Variants in PLXNB1 observed in about 807,000 individuals in gnomAD.
PLXNB1 encodes plexin B1.
In PLXNB1, 106 loss-of-function variants were observed where a neutral mutation model predicts 209.4. The ratio of observed to expected loss-of-function variants is 0.51; its 90% CI spans 0.43 to 0.59. PLXNB1 has a LOEUF of 0.59. Among genes scored for constraint, PLXNB1 ranks in the 20% least tolerant of loss-of-function variants. The pLI, the probability that PLXNB1 is intolerant of heterozygous loss-of-function variation, is 0.00. For missense variants in PLXNB1, 2,357 were observed against 2,853.2 expected (o/e 0.83, Z 3.96); for synonymous variants, 1,167 against 1,183.2 (o/e 0.99, Z 0.28).
chr3:48,406,423 G>T lies in PLXNB1; in HGVS notation c.6228+400C>A, dbSNP rs2037318440. Reference sequence around the variant, plus strand: ...TCATCATCAACATTTCAGAAACATTGTTCATAAACTCCCTGGAGTTACATT... The same window carrying T: ...TCATCATCAACATTTCAGAAACATTTTTCATAAACTCCCTGGAGTTACATT... On this transcript the variant is annotated intron_variant, in intron 36 of 37. Transcript: ENST00000296440. The surrounding 1 kb of genome is among the most constrained non-coding windows in gnomAD (Gnocchi z 4.4). The T allele has an allele frequency of 5.1e-6, 1 of 196,220 alleles. No individual in the cohort carries two copies. The highest frequency in any genetic ancestry group is 9.2e-6 in the Non-Finnish European group (1 of 108,312). The allele number at this position is 196,220 out of a possible 1,614,324, so 12.2% of individuals were successfully genotyped here.
In PLXNB1 at chr3:48,413,600, G is replaced by C; in HGVS notation, c.4535+70C>G. 3 of 1,475,036 alleles carry C rather than the reference G, an allele frequency of 2.0e-6. No homozygotes were observed. The highest frequency in any genetic ancestry group is 1.8e-6 in the Non-Finnish European group (2 of 1,089,454). The allele number at this position is 1,475,036 out of a possible 1,614,324, so 91.4% of individuals were successfully genotyped here. A position where few individuals can be genotyped will look rare whatever the true frequency, so the allele number is the denominator to read the frequency against. On this transcript the variant is annotated intron_variant, in intron 23 of 37. Coordinates refer to ENST00000296440, the MANE Select transcript of PLXNB1 (RefSeq NM_001130082.3). The surrounding 1 kb of genome is among the most constrained non-coding windows in gnomAD (Gnocchi z 5.4). ...GAGAATGTTTCCTGACTCCTGGCCC[G>C]GTCTGTCCCTTCCCAGTCCAGCCAG... is the stretch of plus-strand genomic sequence containing the variant.
In PLXNB1 at chr3:48,419,774, C is replaced by A. The variant is rs146123448; in HGVS notation, c.2512G>T (p.Ala838Ser). 2,118 of 1,603,900 alleles carry A rather than the reference C, an allele frequency of 1.3e-3. 24 individuals carry two copies. The African/African-American group carries it at 0.023, about 17-fold the overall frequency. ...FPGAMGSVKP[A>S]LDWLTREGGE... ...CCTTCTCTCGTGAGCCAGTCCAGGG[C>A]GGGCTTCACGGAGCCCATGGCCCCT... The change falls in exon 11 of 38, where the codon GCC (alanine) becomes TCC (serine). Residue 838 changes from alanine to serine, a missense_variant. Ala to Ser is a moderately conservative substitution (Grantham distance 99, BLOSUM62 1). This residue lies in a region of PLXNB1 where 410 missense variants were observed against 401.0 expected (regional missense o/e 1.02). Transcript: ENST00000296440. This position sits in a 1 kb window ranked among gnomAD's most constrained non-coding sequence, Gnocchi z 5.7.
rs2037671175 is a variant in PLXNB1, at chr3:48,411,378, G to C, written c.5248-342C>G. On this transcript the variant is annotated intron_variant, in intron 28 of 37. Coordinates refer to ENST00000296440, the MANE Select transcript of PLXNB1 (RefSeq NM_001130082.3). The surrounding 1 kb of genome is among the most constrained non-coding windows in gnomAD (Gnocchi z 4.0). ...GAAGCCTGCATTCCCACCATCGGGA[G>C]CAAATATTCCCACCTATCCGACAGG... Among the ~76,000 whole-genome samples the C allele has an allele frequency of 1.3e-5, 2 of 152,238 alleles. No homozygotes were observed.
Position 48,406,138 on chromosome 3 carries a change from AG to A in PLXNB1, c.6229-341del. 3.8e-6 allele frequency: 1 copy of A among 265,494 alleles called. No homozygotes were observed. Among genetic ancestry groups the A allele is most frequent in the Non-Finnish European group, 7.4e-6 (1 of 134,464 alleles). The allele number at this position is 265,494 out of a possible 1,614,324, so 16.4% of individuals were successfully genotyped here. On this transcript the variant is annotated intron_variant, in intron 36 of 37. Coordinates refer to ENST00000296440, the MANE Select transcript of PLXNB1 (RefSeq NM_001130082.3). This position sits in a 1 kb window ranked among gnomAD's most constrained non-coding sequence, Gnocchi z 4.4. Reference sequence around the variant, plus strand: ...CCCTCTGCCACCCAGATGACTCCAGAGCCAAGTGGCACAGATGCCACTTGCA... The same window carrying A: ...CCCTCTGCCACCCAGATGACTCCAGACCAAGTGGCACAGATGCCACTTGCA...
intron 27 of PLXNB1, 40 bp downstream of exon 27, chr3:48,412,198 C>T (rs1018349306): frequency 6.2e-7 from 1 of 1,601,604 alleles, no homozygotes; most frequent in Non-Finnish European, 8.6e-7. Flanking sequence ...AGGGCCTGAC[C>T]CTCCCTGGAC....
In PLXNB1 at chr3:48,405,473, C is replaced by A. The variant is rs901878776; in HGVS notation, c.6303+251G>T. 6.6e-6 allele frequency among the ~76,000 whole-genome samples: 1 copy of A among 152,216 alleles called. No homozygotes were observed. The highest frequency in any genetic ancestry group is 2.4e-5 in the African/African-American group (1 of 41,458). ...GCCCTGGTAGACCCCTTGGCCCCCACAACCACCAGCACTGTGCCTCGCCGT... is the reference window on the plus strand; with the variant it reads ...GCCCTGGTAGACCCCTTGGCCCCCAAAACCACCAGCACTGTGCCTCGCCGT... On this transcript the variant is annotated intron_variant, in intron 37 of 37. Transcript: ENST00000296440. This position sits in a 1 kb window ranked among gnomAD's most constrained non-coding sequence, Gnocchi z 5.0.
Position 48,420,722 on chromosome 3 carries a change from C to A in PLXNB1, c.1971G>T (p.Gln657His). Residue 657 changes from glutamine to histidine, a missense_variant, in exon 10 of 38, where the codon CAG becomes CAT. By Grantham distance (24) the Gln-to-His change is conservative. Coordinates refer to ENST00000296440, the MANE Select transcript of PLXNB1 (RefSeq NM_001130082.3). ...ACGAGGCCTTGTGGGTGCACAGGTGCTGCCAGACACACCAGTTACACCCCC... is the reference window on the plus strand; with the variant it reads ...ACGAGGCCTTGTGGGTGCACAGGTGATGCCAGACACACCAGTTACACCCCC... ...SRWGCNWCVW[Q>H]HLCTHKASCD... The A allele has an allele frequency of 6.2e-7, 1 of 1,614,160 alleles. No homozygotes were observed. Among genetic ancestry groups the A allele is most frequent in the Non-Finnish European group, 8.5e-7 (1 of 1,180,008 alleles).
At position 48,418,833 on chromosome 3, in the gene PLXNB1, G is replaced by A; in HGVS notation, c.2955+84C>T. 1.3e-6 allele frequency: 2 copies of A among 1,545,198 alleles called. No individual in the cohort carries two copies. Among genetic ancestry groups the A allele is most frequent in the Non-Finnish European group, 1.8e-6 (2 of 1,125,836 alleles). On this transcript the variant is annotated intron_variant, in intron 13 of 37. Transcript: ENST00000296440. This position sits in a 1 kb window ranked among gnomAD's most constrained non-coding sequence, Gnocchi z 6.6. ...CACGGTCAGAGCGTGGCTCTGGAAAGTGTGGTGCAGCCAGCTACAGTTGGC... is the reference window on the plus strand; with the variant it reads ...CACGGTCAGAGCGTGGCTCTGGAAAATGTGGTGCAGCCAGCTACAGTTGGC...
In PLXNB1 at chr3:48,415,593, T is replaced by C; in HGVS notation, c.3784A>G (p.Ser1262Gly). 6.3e-7 allele frequency: 1 copy of C among 1,580,526 alleles called. No homozygotes were observed. The highest frequency in any genetic ancestry group is 8.6e-7 in the Non-Finnish European group (1 of 1,162,258). The change falls in exon 19 of 38, where the codon AGC (serine) becomes GGC (glycine). Residue 1262 changes from serine (S) to glycine (G), a missense_variant. Transcript: ENST00000296440. This position sits in a 1 kb window ranked among gnomAD's most constrained non-coding sequence, Gnocchi z 5.0. ...CCCCTGGCCCAACACCTGAGGAAGCTCTTGGTGGGGCCAGCAGAGGTGATG... is the reference window on the plus strand; with the variant it reads ...CCCCTGGCCCAACACCTGAGGAAGCCCTTGGTGGGGCCAGCAGAGGTGATG... ...PNITSAGPTK[S>G]FLSGGREICV...
chr3:48,428,685 C>T (rs1389367626), intron 1 of PLXNB1, among the ~76,000 whole-genome samples: 1 of 152,168 alleles, frequency 6.6e-6, no homozygotes, highest in East Asian at 1.9e-4. Context: ...GCAGTGGTGC[C>T]CGCTGCCCGC....
rs778304224 is a variant in PLXNB1 at position 48,413,926 on chromosome 3, C to T, written c.4355G>A (p.Arg1452Gln). 15 of 1,611,496 alleles carry T rather than the reference C, an allele frequency of 9.3e-6. No homozygotes were observed. The Admixed American group carries it at 1.7e-4, about 18-fold the overall frequency. The change falls in exon 22 of 38, where the codon CGA becomes CAA. Residue 1452 changes from arginine (R) to glutamine (Q), a missense_variant. Arg to Gln is a conservative substitution (Grantham distance 43, BLOSUM62 1). Coordinates refer to ENST00000296440, the MANE Select transcript of PLXNB1 (RefSeq NM_001130082.3). This position sits in a 1 kb window ranked among gnomAD's most constrained non-coding sequence, Gnocchi z 5.4. Reference protein sequence around the residue: ...EQPLPRHHALREAPDSLPEFT... With the variant: ...EQPLPRHHALQEAPDSLPEFT... ...CTCAGGCAAAGAGTCAGGTGCCTCT[C>T]GGAGGGCATGGTGCCGTGGCAGGGG...
rs906303333 is a variant in PLXNB1 at position 48,429,605 on chromosome 3, T to A, written c.-60+403A>T. The A allele has an allele frequency of 2.0e-5, 3 of 151,208 alleles. No homozygotes were observed. Among genetic ancestry groups the A allele is most frequent in the Non-Finnish European group, 4.4e-5 (3 of 67,736 alleles). 9.4% of individuals were successfully genotyped at this position (151,208 alleles called of 1,614,324 possible). A position where few individuals can be genotyped will look rare whatever the true frequency, so the allele number is the denominator to read the frequency against. ...GCATTCCAGCCCCGCGGGCTCCGCA[T>A]CGGCCGAGGGCTGGGGACCCGACCC... On this transcript the variant is annotated intron_variant, in intron 1 of 37. Coordinates refer to ENST00000296440, the MANE Select transcript of PLXNB1 (RefSeq NM_001130082.3). The surrounding 1 kb of genome is among the most constrained non-coding windows in gnomAD (Gnocchi z 6.4).
chr3:48,426,062 A>G (rs2038876337), intron 1 of PLXNB1, among the ~76,000 whole-genome samples: 1 of 152,134 alleles, frequency 6.6e-6, no homozygotes, highest in Non-Finnish European at 1.5e-5. Flanking sequence ...GTTTGAGAGT[A>G]CTTAGTTGGA....
In PLXNB1 at chr3:48,413,383, G is replaced by C; in HGVS notation, c.4536-214C>G. The C allele has an allele frequency of 1.7e-6, 1 of 606,042 alleles. No homozygotes were observed. The highest frequency in any genetic ancestry group is 3.0e-5 in the Admixed American group (1 of 33,700). The allele number at this position is 606,042 out of a possible 1,614,324, so 37.5% of individuals were successfully genotyped here. A position where few individuals can be genotyped will look rare whatever the true frequency, so the allele number is the denominator to read the frequency against. On this transcript the variant is annotated intron_variant, in intron 23 of 37. Transcript: ENST00000296440. This position sits in a 1 kb window ranked among gnomAD's most constrained non-coding sequence, Gnocchi z 5.4. The stretch of plus-strand genomic sequence containing the variant: ...GTCTAGCCCAGCACAGTTTAGCCTA[G>C]AGATCAGCCAACCACAACCAGGCCA...
Position 48,418,901 on chromosome 3 carries a change from C to A in PLXNB1, c.2955+16G>T, listed in dbSNP as rs764541642. 4 of 1,613,460 alleles carry A rather than the reference C, an allele frequency of 2.5e-6. No homozygotes were observed. Among genetic ancestry groups the A allele is most frequent in the Admixed American group, 1.7e-5 (1 of 60,016 alleles). Reference sequence around the variant, plus strand: ...TGCAGTGCACCCGTGCCCACCCAGGCGCTCATGGTGTGCACCTGGTGCTGC... The same window carrying A: ...TGCAGTGCACCCGTGCCCACCCAGGAGCTCATGGTGTGCACCTGGTGCTGC... On this transcript the variant is annotated intron_variant, in intron 13 of 37. Coordinates refer to ENST00000296440, the MANE Select transcript of PLXNB1 (RefSeq NM_001130082.3). This position sits in a 1 kb window ranked among gnomAD's most constrained non-coding sequence, Gnocchi z 6.6.
At chr3:48,427,566 C>T (rs933261058) in intron 1 of PLXNB1, among the ~76,000 whole-genome samples, 10 of 152,130 alleles carry the variant, frequency 6.6e-5, no homozygotes, top group Middle Eastern at 3.2e-3. Context: ...GCCTCTGGGG[C>T]ACCCCAGAGC....
At position 48,410,168 on chromosome 3, in the gene PLXNB1, C is replaced by G; in HGVS notation, c.5606-91G>C. ...GCCAGCTCTCCCAGGGGTGGGGGCA[C>G]CTGGTTGAGGGATTTCCTGGGCCGA... On this transcript the variant is annotated intron_variant, in intron 31 of 37. Coordinates refer to ENST00000296440, the MANE Select transcript of PLXNB1 (RefSeq NM_001130082.3). This position sits in a 1 kb window ranked among gnomAD's most constrained non-coding sequence, Gnocchi z 6.4. The G allele has an allele frequency of 6.8e-7, 1 of 1,481,310 alleles. No individual in the cohort carries two copies. Among genetic ancestry groups the G allele is most frequent in the South Asian group, 1.3e-5 (1 of 75,644 alleles). The allele number at this position is 1,481,310 out of a possible 1,614,324, so 91.8% of individuals were successfully genotyped here.
chr3:48,418,435 CGCAGGTGG>C lies in PLXNB1; in HGVS notation c.3049+6_3049+13del. ...TGCTACCACCGCCAGCCCAGCAGCC[CGCAGGTGG>C]CTCACCATGCAGCCCCTCAGCACTG... On this transcript the variant is annotated splice_donor_region_variant and intron_variant, in intron 14 of 37. Coordinates refer to ENST00000296440, the MANE Select transcript of PLXNB1 (RefSeq NM_001130082.3). This position sits in a 1 kb window ranked among gnomAD's most constrained non-coding sequence, Gnocchi z 6.6. The C allele has an allele frequency of 6.2e-7, 1 of 1,613,124 alleles. No homozygotes were observed. Among genetic ancestry groups the C allele is most frequent in the South Asian group, 1.1e-5 (1 of 91,042 alleles).
rs2038694607 is a variant in PLXNB1 at position 48,423,702 on chromosome 3, TG to T, written c.909del (p.Thr304LeufsTer102). ...GCCGCCGATGGGGGCCGGCCCACAG[TG>T]GGGGGTGCAGCCGAGGAGAAAGCTG... ...LFAAFSSAAPPTVGRPPSAAA... is the reference protein window; with the variant it reads ...LFAAFSSAAPXTVGRPPSAAA... On this transcript the variant is annotated frameshift_variant, in exon 3 of 38. Transcript: ENST00000296440. LOFTEE classifies it high-confidence loss of function. 1 of 1,613,596 alleles carries T rather than the reference TG, an allele frequency of 6.2e-7. No individual in the cohort carries two copies. The highest frequency in any genetic ancestry group is 8.5e-7 in the Non-Finnish European group (1 of 1,179,870).
Sources: allele counts gnomAD v4.1 joint callset (sites outside exome capture counted in the v4.1 genomes callset), GRCh38; gene constraint gnomAD v4.1.1; regional missense constraint gnomAD v4.1.1; non-coding constraint Gnocchi (gnomAD v3.1); transcripts MANE v1.5; gene names NCBI Gene and HGNC (gene_info 2026-07-23, HGNC 2026-07-21).